The following RIN2 variants were observed in gnomAD, a reference collection of about 807,000 sequenced individuals.
The protein encoded by RIN2 is RAB5 interacting protein 2.
RIN2 carries 36 observed loss-of-function variants against 78.0 expected under a neutral mutation model. That is an observed-to-expected ratio of 0.46 (90% CI 0.35 to 0.61). RIN2 has a LOEUF of 0.61. Ranked by LOEUF, RIN2 falls within the 20% of genes least tolerant of loss-of-function variation. The pLI is 0.00. For synonymous variants in RIN2, 466 were observed against 466.8 expected (o/e 1.00, Z 0.02); for missense variants, 1,087 against 1,159.7 (o/e 0.94, Z 0.91).
chr20:19,990,991 G>A (rs2042781961), intron 10 of RIN2, among the ~76,000 whole-genome samples: 2 of 152,166 alleles, frequency 1.3e-5, no homozygotes, highest in Non-Finnish European at 2.9e-5. Context: ...GTAGATGCAG[G>A]GGTAACCATG....
intron 2 of RIN2, among the ~76,000 whole-genome samples, chr20:19,801,058 G>C (rs1018238452): frequency 3.3e-5 from 5 of 152,156 alleles, no homozygotes; most frequent in Non-Finnish European, 7.4e-5. Flanking sequence ...TGCAGAGTAA[G>C]AGCAATAAGA....
At chr20:19,901,524 CAACTA>C (rs2038983067) in intron 3 of RIN2, among the ~76,000 whole-genome samples, 1 of 152,154 alleles carries the variant, frequency 6.6e-6, no homozygotes, top group Non-Finnish European at 1.5e-5. Flanking sequence ...TTCCCCCTGC[CAACTA>C]AACCCTGGGG....
chr20:19,768,159 G>C (rs932688628), intron 1 of RIN2, among the ~76,000 whole-genome samples: 4 of 152,172 alleles, frequency 2.6e-5, no homozygotes, highest in South Asian at 4.1e-4. Context: ...CCTATGTTTT[G>C]ATCTAAATAG....
intron 6 of RIN2, among the ~76,000 whole-genome samples, chr20:19,961,341 G>A (rs1248996987): frequency 6.6e-6 from 1 of 152,182 alleles, no homozygotes; most frequent in East Asian, 1.9e-4. Flanking sequence ...TGAAGGGAGA[G>A]TGGTGTTCAG....
At chr20:20,000,067 C>T (rs1451018084) in intron 12 of RIN2, among the ~76,000 whole-genome samples, 2 of 152,182 alleles carry the variant, frequency 1.3e-5, no homozygotes, top group African/African-American at 2.4e-5. Flanking sequence ...CAGTGGCATG[C>T]ACCTGTACAC....
At chr20:19,930,423 G>T (rs1328622175) in intron 3 of RIN2, among the ~76,000 whole-genome samples, 1 of 152,350 alleles carries the variant, frequency 6.6e-6, no homozygotes, top group East Asian at 1.9e-4. Context: ...GCATCGGCAA[G>T]AGCGGTACCC....
intron 10 of RIN2, among the ~76,000 whole-genome samples, chr20:19,991,070 G>A (rs2042784593): frequency 1.3e-5 from 2 of 152,138 alleles, no homozygotes; most frequent in Admixed American, 6.6e-5. Flanking sequence ...TTCTGAAGAC[G>A]ATTACGAACT....
At chr20:19,963,232 C>G (rs1408828281) in intron 6 of RIN2, among the ~76,000 whole-genome samples, 1 of 152,038 alleles carries the variant, frequency 6.6e-6, no homozygotes, top group Non-Finnish European at 1.5e-5. Context: ...TTTGTTGTTT[C>G]TGTGTGTCTG....
At chr20:19,775,591 G>T (rs1408819669) in intron 1 of RIN2, among the ~76,000 whole-genome samples, 1 of 152,176 alleles carries the variant, frequency 6.6e-6, no homozygotes, top group Admixed American at 6.5e-5. Context: ...CAGTCCATGT[G>T]CTATTTATTG....
intron 1 of RIN2, among the ~76,000 whole-genome samples, chr20:19,786,799 A>C (rs775545811): frequency 8.5e-5 from 13 of 152,196 alleles, no homozygotes; most frequent in Non-Finnish European, 1.9e-4. Flanking sequence ...ATAGGACAGA[A>C]CATGTCTCTT....
chr20:19,881,582 A>AT (rs1318685615), intron 2 of RIN2, among the ~76,000 whole-genome samples: 2 of 152,038 alleles, frequency 1.3e-5, no homozygotes, highest in African/African-American at 4.8e-5. Flanking sequence ...TTATTTATTT[A>AT]TTTTTTAAAA....
At chr20:19,768,465 T>C (rs1290950331) in intron 1 of RIN2, among the ~76,000 whole-genome samples, 1 of 152,198 alleles carries the variant, frequency 6.6e-6, no homozygotes, top group Non-Finnish European at 1.5e-5. Context: ...CAGCTCTCTC[T>C]GCATGCGGGC....
At chr20:19,802,369 T>C (rs139588053) in intron 2 of RIN2, among the ~76,000 whole-genome samples, 2 of 152,000 alleles carry the variant, frequency 1.3e-5, no homozygotes, top group African/African-American at 4.8e-5. Context: ...GTGTGGTGGC[T>C]CATGTCTGTA....
intron 1 of RIN2, among the ~76,000 whole-genome samples, chr20:19,788,602 GA>G (rs34183798): frequency 0.35 from 42,354 of 121,594 alleles, 8,012 homozygotes; most frequent in African/African-American, 0.59. Context: ...ACTTTGTCTC[GA>G]AAAAAAAAAA....
intron 2 of RIN2, among the ~76,000 whole-genome samples, chr20:19,813,399 A>T (rs1020280527): frequency 1.3e-5 from 2 of 152,236 alleles, no homozygotes; most frequent in Non-Finnish European, 2.9e-5. Flanking sequence ...AGCATCAACT[A>T]TTCATTCATT....
Position 19,918,324 on chromosome 20 carries a change from C to T in RIN2, c.58-16775C>T, listed in dbSNP as rs371321066. On this transcript the variant is annotated intron_variant, in intron 3 of 12. Transcript: ENST00000255006. ...AACTTCAGGGATAATTTTCAAAAAA[C>T]GAAAAAACGTGACTCTCATACAAAT... Among the ~76,000 whole-genome samples the T allele has an allele frequency of 8.0e-5, 12 of 150,256 alleles. No homozygotes were observed. In the East Asian group the frequency reaches 1.2e-3, roughly 15 times the overall value.
intron 4 of RIN2, among the ~76,000 whole-genome samples, chr20:19,943,814 G>A (rs569192389): frequency 3.3e-5 from 5 of 152,186 alleles, no homozygotes; most frequent in African/African-American, 1.2e-4. Context: ...CATGCTGGGT[G>A]GTGGGTAAAA....
chr20:19,852,974 G>A (rs1254528564), intron 2 of RIN2, among the ~76,000 whole-genome samples: 3 of 151,402 alleles, frequency 2.0e-5, no homozygotes, highest in Non-Finnish European at 4.4e-5. Flanking sequence ...ATGTTGGTGT[G>A]CTGCACCCAT....
At chr20:19,859,575 T>C (rs2037271042) in intron 2 of RIN2, among the ~76,000 whole-genome samples, 1 of 152,204 alleles carries the variant, frequency 6.6e-6, no homozygotes, top group South Asian at 2.1e-4. Context: ...GGTCTTGAAA[T>C]ATAACTTTCC....
Sources: gnomAD v4.1 joint callset for allele counts (sites outside exome capture counted in the v4.1 genomes callset) on GRCh38, gnomAD v4.1.1 for gene constraint, MANE v1.5 for transcripts, NCBI Gene and HGNC (gene_info 2026-07-23, HGNC 2026-07-21) for gene names.